The following NEK1 variants were observed in gnomAD, a reference collection of about 807,000 sequenced individuals.
NEK1 encodes the protein NIMA related kinase 1, also known as serine/threonine-protein kinase Nek1.
A neutral mutation model predicts 182.1 loss-of-function variants in NEK1; 137 were observed. That is an observed-to-expected ratio of 0.75 (90% CI 0.65 to 0.87). The LOEUF is 0.87. NEK1 is among the 40% of genes least tolerant of loss of function. The pLI is 0.00. For synonymous variants in NEK1, 513 were observed against 492.2 expected, an observed-to-expected ratio of 1.04 and a Z score of -0.56; for missense variants, 1,391 against 1,494.4, an observed-to-expected ratio of 0.93 and a Z score of 1.14.
rs558627374 is a variant in NEK1, at chr4:169,600,773, A to C, written c.214+1235T>G. 2.0e-5 allele frequency among the ~76,000 whole-genome samples: 3 copies of C among 152,300 alleles called. No individual in the cohort carries two copies. The East Asian group carries it at 5.8e-4, about 29-fold the overall frequency. ...TGTATGTAGCATAACAAAAAGCAAA[A>C]AATTACATATACTATGCTATCATTT... On this transcript the variant is annotated intron_variant, in intron 4 of 35. Coordinates refer to ENST00000507142, the MANE Select transcript of NEK1 (RefSeq NM_001199397.3).
chr4:169,491,540 T>C (rs1031711587), intron 23 of NEK1, among the ~76,000 whole-genome samples: 11 of 152,064 alleles, frequency 7.2e-5, no homozygotes. Flanking sequence ...AAAATAGAAG[T>C]AAAGTCTTTC....
rs76717142 is a variant in NEK1, at chr4:169,598,905, C to T, written c.312+195G>A. Among the ~76,000 whole-genome samples the T allele has an allele frequency of 0.016, 2,375 of 152,214 alleles. 27 individuals carry two copies. The highest frequency in any genetic ancestry group is 0.023 in the Non-Finnish European group (1,574 of 68,008). On this transcript the variant is annotated intron_variant, in intron 5 of 35. Coordinates refer to ENST00000507142, the MANE Select transcript of NEK1 (RefSeq NM_001199397.3). ...TCACAGAGATAACAATATATCATTACAGACTATAAATGAGATGGGCAACTG... is the reference window on the plus strand; with the variant it reads ...TCACAGAGATAACAATATATCATTATAGACTATAAATGAGATGGGCAACTG...
chr4:169,393,507 C>A lies in NEK1; in HGVS notation c.*1003G>T, dbSNP rs548366170. The A allele has an allele frequency of 3.7e-4, 56 of 152,240 alleles. No individual in the cohort carries two copies. Among genetic ancestry groups the A allele is most frequent in the African/African-American group, 1.3e-3 (52 of 41,550 alleles). 9.4% of individuals were successfully genotyped at this position (152,240 alleles called of 1,614,324 possible). ...ACGAAGAACATCTGGACTGTAGACA[C>A]CTCTAACGAAACCAGGTTATACTTG... On this transcript the variant is annotated 3_prime_UTR_variant, in exon 36 of 36. Transcript: ENST00000507142.
At chr4:169,522,221 C>G (rs1290192537) in intron 19 of NEK1, among the ~76,000 whole-genome samples, 1 of 152,076 alleles carries the variant, frequency 6.6e-6, no homozygotes, top group Non-Finnish European at 1.5e-5. Context: ...CCATTTAATT[C>G]TTCCTTAAAA....
intron 18 of NEK1, among the ~76,000 whole-genome samples, chr4:169,542,265 T>C (rs1220896934): frequency 6.6e-6 from 1 of 152,162 alleles, no homozygotes; most frequent in Non-Finnish European, 1.5e-5. Flanking sequence ...ATGTGGTGTT[T>C]GGTTGTCTGT....
Position 169,550,745 on chromosome 4 carries a change from A to G in NEK1, c.1562+4975T>C, listed in dbSNP as rs55885372. On this transcript the variant is annotated intron_variant, in intron 18 of 35. Coordinates refer to ENST00000507142, the MANE Select transcript of NEK1 (RefSeq NM_001199397.3). ...CATTAACACTGAATTCATGGCCAAT[A>G]GTGGCATAACTAATGCCCAAATGAA... Among the ~76,000 whole-genome samples, 228 of 152,334 alleles carry G rather than the reference A, an allele frequency of 1.5e-3. 1 individual carries two copies. The highest frequency in any genetic ancestry group is 5.3e-3 in the African/African-American group (222 of 41,576).
intron 31 of NEK1, among the ~76,000 whole-genome samples, chr4:169,416,391 G>A (rs12507111): frequency 0.014 from 2,085 of 152,172 alleles, 141 homozygotes; most frequent in Admixed American, 0.12. Flanking sequence ...TTCTCAAACC[G>A]TGTGGTAGAT....
chr4:169,536,718 T>C (rs1342101270), intron 19 of NEK1, among the ~76,000 whole-genome samples: 1 of 152,028 alleles, frequency 6.6e-6, no homozygotes, highest in Non-Finnish European at 1.5e-5. Flanking sequence ...GTTGAGAAAA[T>C]AAATTAGTAA....
intron 12 of NEK1, among the ~76,000 whole-genome samples, chr4:169,566,235 A>G (rs1031309597): frequency 1.4e-4 from 22 of 152,204 alleles, no homozygotes; most frequent in African/African-American, 5.1e-4. Flanking sequence ...ATATTCATAT[A>G]CTCTTGGGTA....
At chr4:169,468,218 C>T (rs966018703) in intron 26 of NEK1, among the ~76,000 whole-genome samples, 8 of 151,846 alleles carry the variant, frequency 5.3e-5, no homozygotes, top group African/African-American at 1.9e-4. Flanking sequence ...AGAAGCCAGA[C>T]ATAAAAGAAT....
chr4:169,472,340 A>C (rs1746146903), intron 26 of NEK1, among the ~76,000 whole-genome samples: 1 of 152,064 alleles, frequency 6.6e-6, no homozygotes, highest in South Asian at 2.1e-4. Context: ...GTCAGATAGC[A>C]CCGTCCCTCA....
In NEK1 at chr4:169,525,688, T is replaced by C. The variant is rs138828119; in HGVS notation, c.1665+12121A>G. ...AGTTGAACAGTTGTACAAAACACCA[T>C]ATGGTTTAAAGCTTAAAATATTTAC... On this transcript the variant is annotated intron_variant, in intron 19 of 35. Coordinates refer to ENST00000507142, the MANE Select transcript of NEK1 (RefSeq NM_001199397.3). 1.0e-3 allele frequency among the ~76,000 whole-genome samples: 153 copies of C among 152,246 alleles called. 1 individual carries two copies. Among genetic ancestry groups the C allele is most frequent in the South Asian group, 8.1e-3 (39 of 4,824 alleles).
At chr4:169,587,429 C>T in intron 9 of NEK1, 130 bp downstream of exon 9, 1 of 519,812 alleles carries the variant, frequency 1.9e-6, no homozygotes, top group Non-Finnish European at 3.4e-6. Context: ...ATGAGAAATT[C>T]AAAAATGGAC....
At chr4:169,515,446 T>C (rs1580388486) in intron 19 of NEK1, among the ~76,000 whole-genome samples, 1 of 152,298 alleles carries the variant, frequency 6.6e-6, no homozygotes, top group Non-Finnish European at 1.5e-5. Flanking sequence ...TTCTGCTCTC[T>C]ATATTTTAAA....
In NEK1 at chr4:169,437,024, C is replaced by T. The variant is rs115295273; in HGVS notation, c.2764+1059G>A. Among the ~76,000 whole-genome samples the T allele has an allele frequency of 1.6e-3, 240 of 152,240 alleles. 1 individual carries two copies. The highest frequency in any genetic ancestry group is 3.4e-3 in the Middle Eastern group (1 of 294). ...GTAAGCTCAGACTGAAGGGGACAAA[C>T]ATAGTGCAAAAGAGAAGAGCCCTTG... On this transcript the variant is annotated intron_variant, in intron 28 of 35. Transcript: ENST00000507142.
chr4:169,486,713 T>A (rs1749100805), intron 23 of NEK1, among the ~76,000 whole-genome samples: 1 of 152,166 alleles, frequency 6.6e-6, no homozygotes, highest in Non-Finnish European at 1.5e-5. Flanking sequence ...TATCTAAGAA[T>A]AAGAACAAGG....
intron 31 of NEK1, among the ~76,000 whole-genome samples, chr4:169,415,953 G>A (rs975955614): frequency 5.3e-5 from 8 of 152,126 alleles, no homozygotes; most frequent in African/African-American, 1.9e-4. Context: ...GGCGGGGTAG[G>A]AGCAAGAGGA....
intron 23 of NEK1, among the ~76,000 whole-genome samples, chr4:169,482,261 T>A (rs74539634): frequency 2.1e-3 from 320 of 152,268 alleles, no homozygotes; most frequent in Non-Finnish European, 3.5e-3. Context: ...TTTCTCCATA[T>A]CAGCAAGAAG....
chr4:169,559,808 G>C (rs1762643321), intron 16 of NEK1, among the ~76,000 whole-genome samples: 1 of 152,082 alleles, frequency 6.6e-6, no homozygotes, highest in African/African-American at 2.4e-5. Context: ...TCGGGAGTTC[G>C]AGACCAGCCT....
Sources: allele counts gnomAD v4.1 joint callset (sites outside exome capture counted in the v4.1 genomes callset), GRCh38; gene constraint gnomAD v4.1.1; transcripts MANE v1.5; gene names NCBI Gene and HGNC (gene_info 2026-07-23, HGNC 2026-07-21).